CRTAC1: variants seen among roughly 807,000 people sequenced by gnomAD.
CRTAC1 encodes acidic secreted protein in cartilage.
Under a neutral mutation model 67.8 loss-of-function variants are expected in CRTAC1, and 37 were observed. The observed-to-expected ratio is 0.55, with a 90% CI of 0.42 to 0.72. The LOEUF is 0.72. CRTAC1 is among the 30% of genes least tolerant of loss of function. The pLI is 0.00. For missense variants in CRTAC1, 780 were observed against 931.6 expected (o/e 0.84, Z 2.12); for synonymous variants, 348 against 371.0 (o/e 0.94, Z 0.71).
rs576576848 is a variant in CRTAC1 at position 97,880,280 on chromosome 10, G to A, written c.1788C>T (p.Tyr596=). 48 of 1,614,186 alleles carry A rather than the reference G, an allele frequency of 3.0e-5. No homozygotes were observed. The highest frequency in any genetic ancestry group is 2.7e-4 in the African/African-American group (20 of 75,062). The change falls in exon 14 of 15, where the codon TAC becomes TAT. Residue 596 remains tyrosine (Y), a synonymous_variant. Coordinates refer to ENST00000370597, the MANE Select transcript of CRTAC1 (RefSeq NM_018058.7). ...AGGCTGTGCCATCCTCGTTGGGCTC[G>A]TAGCCCCGACTGCACTTCTTGTTGG... The part of the protein sequence containing the change: ...CRTNKKCSRG[Y]EPNEDGTACV...
intron 3 of CRTAC1, among the ~76,000 whole-genome samples, chr10:97,927,931 T>C (rs1187465395): frequency 6.6e-6 from 1 of 152,204 alleles, no homozygotes; most frequent in African/African-American, 2.4e-5. Flanking sequence ...TGGCTCCTTG[T>C]AGCTGCATAA....
intron 2 of CRTAC1, among the ~76,000 whole-genome samples, chr10:97,993,343 C>G (rs964305345): frequency 6.6e-6 from 1 of 152,198 alleles, no homozygotes; most frequent in Non-Finnish European, 1.5e-5. Flanking sequence ...ATGACTACAA[C>G]CTTATATGAA....
Position 97,904,687 on chromosome 10 carries a change from A to G in CRTAC1, c.978T>C (p.His326=). Residue 326 remains histidine (H), a synonymous_variant, in exon 7 of 15, where the codon CAT becomes CAC. Transcript: ENST00000370597. The part of the protein sequence containing the change: ...PHRLYLQMST[H]GKVRFRDIAS... ...TTCTTACCCGGAAGCGGACCTTCCC[A>G]TGGGTGCTCATTTGCAGATAGAGGC... is the stretch of plus-strand genomic sequence containing the variant. The G allele has an allele frequency of 6.3e-7, 1 of 1,581,398 alleles. No homozygotes were observed. The highest frequency in any genetic ancestry group is 8.6e-7 in the Non-Finnish European group (1 of 1,166,490).
chr10:97,870,473 G>C (rs965196496), intron 14 of CRTAC1: 15 of 152,090 alleles, frequency 9.9e-5, no homozygotes, highest in African/African-American at 3.4e-4. Flanking sequence ...GGGGACCTGG[G>C]GGGCTTCTGG....
intron 3 of CRTAC1, among the ~76,000 whole-genome samples, chr10:97,933,599 G>A (rs975141392): frequency 1.3e-5 from 2 of 152,260 alleles, no homozygotes; most frequent in Non-Finnish European, 2.9e-5. Context: ...GCAGAGGATT[G>A]GGAGAGGGGA....
intron 5 of CRTAC1, among the ~76,000 whole-genome samples, chr10:97,916,291 G>A (rs75341793): frequency 0.019 from 2,903 of 152,190 alleles, 108 homozygotes; most frequent in African/African-American, 0.066. Context: ...TTTCTTTTCC[G>A]GGGGAAACAT....
At chr10:97,952,138 G>A (rs1171444825) in intron 2 of CRTAC1, among the ~76,000 whole-genome samples, 1 of 152,012 alleles carries the variant, frequency 6.6e-6, no homozygotes, top group African/African-American at 2.4e-5. Flanking sequence ...AGATCACAAG[G>A]TCAGGAGATC....
chr10:97,987,483 T>C (rs1202287780), intron 2 of CRTAC1, among the ~76,000 whole-genome samples: 2 of 152,190 alleles, frequency 1.3e-5, no homozygotes, highest in African/African-American at 4.8e-5. Flanking sequence ...GAAAGATAAA[T>C]GGGTGCTGAA....
At chr10:97,917,740 A>G (rs2050780037) in intron 4 of CRTAC1, 84 bp from the exon 5 acceptor site, 17 of 1,154,344 alleles carry the variant, frequency 1.5e-5, no homozygotes, top group Non-Finnish European at 2.0e-5. Flanking sequence ...AGGTAGGACC[A>G]TAGCTCTTTC....
At chr10:97,878,611 T>G in intron 14 of CRTAC1, 1 of 1,303,564 alleles carries the variant, frequency 7.7e-7, no homozygotes, top group Non-Finnish European at 1.0e-6. Flanking sequence ...TGGCGTTACA[T>G]CATTTCCAAA....
intron 2 of CRTAC1, among the ~76,000 whole-genome samples, chr10:97,968,274 G>A (rs150762911): frequency 0.019 from 2,894 of 152,162 alleles, 41 homozygotes; most frequent in Middle Eastern, 0.048. Context: ...GCAGAGTCTC[G>A]CTCTGTCGCT....
intron 2 of CRTAC1, among the ~76,000 whole-genome samples, chr10:97,941,264 C>G (rs2051170947): frequency 2.0e-5 from 3 of 152,164 alleles, no homozygotes; most frequent in Admixed American, 2.0e-4. Context: ...CCAACTTCCT[C>G]TGGTTTCCTG....
chr10:97,889,557 C>A (rs747056738), intron 11 of CRTAC1, among the ~76,000 whole-genome samples: 14 of 151,928 alleles, frequency 9.2e-5, no homozygotes, highest in Admixed American at 3.9e-4. Context: ...CTGGGAACCC[C>A]GCATGCACTC....
chr10:97,912,200 G>A (rs551616321), intron 5 of CRTAC1, among the ~76,000 whole-genome samples: 16 of 152,322 alleles, frequency 1.1e-4, no homozygotes, highest in Non-Finnish European at 2.4e-4. Context: ...GTGCCACACA[G>A]TCATTAGCTG....
rs1336408879 is a variant in CRTAC1 at position 97,895,852 on chromosome 10, C to G, written c.1317+33G>C. 1.3e-6 allele frequency: 2 copies of G among 1,576,742 alleles called. No individual in the cohort carries two copies. The highest frequency in any genetic ancestry group is 1.7e-6 in the Non-Finnish European group (2 of 1,147,064). The stretch of plus-strand genomic sequence containing the variant: ...TCAAGGTACCCGAGAGCACACAGGG[C>G]TGGGATCTGTGGCTCCTGAGGTCTT... On this transcript the variant is annotated intron_variant, in intron 10 of 14. Coordinates refer to ENST00000370597, the MANE Select transcript of CRTAC1 (RefSeq NM_018058.7). This position sits in a 1 kb window ranked among gnomAD's most constrained non-coding sequence, Gnocchi z 4.2.
At position 98,029,064 on chromosome 10, in the gene CRTAC1, G is replaced by A. The variant is rs1843301178; in HGVS notation, c.24+1385C>T. Among the ~76,000 whole-genome samples, 1 of 152,156 alleles carries A rather than the reference G, an allele frequency of 6.6e-6. No homozygotes were observed. The highest frequency in any genetic ancestry group is 1.5e-5 in the Non-Finnish European group (1 of 68,040). On this transcript the variant is annotated intron_variant, in intron 1 of 14. Coordinates refer to ENST00000370597, the MANE Select transcript of CRTAC1 (RefSeq NM_018058.7). The surrounding 1 kb of genome is among the most constrained non-coding windows in gnomAD (Gnocchi z 4.7). The stretch of plus-strand genomic sequence containing the variant: ...TGACTTTAGGACCTACTGCCAGAAG[G>A]ATGTTCTTAACCAAGTCAGAGAGAG...
intron 14 of CRTAC1, among the ~76,000 whole-genome samples, chr10:97,871,804 A>C (rs2050096084): frequency 2.6e-5 from 4 of 152,256 alleles, no homozygotes; most frequent in Admixed American, 2.6e-4. Flanking sequence ...TAAAGATAGA[A>C]GACAGATTCC....
At chr10:98,028,637 A>G (rs570263187) in intron 1 of CRTAC1, among the ~76,000 whole-genome samples, 46 of 152,236 alleles carry the variant, frequency 3.0e-4, no homozygotes, top group Non-Finnish European at 6.3e-4. Context: ...TCAGAACACC[A>G]GGTGCAGCCC....
rs1179630748 is a variant in CRTAC1, at chr10:97,921,214, G to A, written c.558+2050C>T. Reference sequence around the variant, plus strand: ...AATGTGCATTTCTAGCAATGCTGCTGCTGCTGGCCCAGAGGCTACACTGAG... The same window carrying A: ...AATGTGCATTTCTAGCAATGCTGCTACTGCTGGCCCAGAGGCTACACTGAG... On this transcript the variant is annotated intron_variant, in intron 4 of 14. Coordinates refer to ENST00000370597, the MANE Select transcript of CRTAC1 (RefSeq NM_018058.7). Among the ~76,000 whole-genome samples, 3 of 152,290 alleles carry A rather than the reference G, an allele frequency of 2.0e-5. No individual in the cohort carries two copies. In the East Asian group the frequency reaches 5.8e-4, roughly 29 times the overall value.
Sources: allele counts gnomAD v4.1 joint callset (sites outside exome capture counted in the v4.1 genomes callset), GRCh38; gene constraint gnomAD v4.1.1; non-coding constraint Gnocchi (gnomAD v3.1); transcripts MANE v1.5; gene names NCBI Gene and HGNC (gene_info 2026-07-23, HGNC 2026-07-21).